Variants in MLLT3 observed in about 807,000 individuals in gnomAD.
MLLT3 encodes protein AF-9.
Under a neutral mutation model 53.2 loss-of-function variants are expected in MLLT3, and 4 were observed. The observed-to-expected ratio is 0.08, with a 90% confidence interval of 0.04 to 0.17. The LOEUF is 0.17. Ranked by LOEUF, MLLT3 falls within the 10% of genes least tolerant of loss-of-function variation. The pLI, the probability that MLLT3 is intolerant of heterozygous loss-of-function variation, is 1.00. For missense variants in MLLT3, 569 were observed against 684.0 expected (o/e 0.83, Z 1.87); for synonymous variants, 283 against 230.6 (o/e 1.23, Z -2.06).
intron 2 of MLLT3, among the ~76,000 whole-genome samples, chr9:20,534,843 G>T (rs891059406): frequency 7.9e-5 from 12 of 152,044 alleles, no homozygotes; most frequent in African/African-American, 2.9e-4. Context: ...CTGAGATGAT[G>T]CCACTGCACT....
At chr9:20,467,539 T>C (rs1368640757) in intron 2 of MLLT3, among the ~76,000 whole-genome samples, 1 of 152,104 alleles carries the variant, frequency 6.6e-6, no homozygotes, top group Admixed American at 6.6e-5. Context: ...GATCATGCCA[T>C]TGCACTCCAG....
chr9:20,522,002 TCA>T lies in MLLT3; in HGVS notation c.194-65218_194-65217del, dbSNP rs573250894. On this transcript the variant is annotated intron_variant, in intron 2 of 10. Transcript: ENST00000380338. ...GAAAATTATAATTAAGTTTTGACTGTCACAGTTTTTTTTTTTTTTAACACTCT... is the reference window on the plus strand; with the variant it reads ...GAAAATTATAATTAAGTTTTGACTGTCAGTTTTTTTTTTTTTTAACACTCT... 2.9e-4 allele frequency among the ~76,000 whole-genome samples: 35 copies of T among 120,676 alleles called. No homozygotes were observed. In the South Asian group the frequency reaches 9.0e-3, roughly 31 times the overall value. 79.2% of individuals were successfully genotyped at this position (120,676 alleles called of 152,430 possible). A position where few individuals can be genotyped will look rare whatever the true frequency, so the allele number is the denominator to read the frequency against.
intron 4 of MLLT3, among the ~76,000 whole-genome samples, chr9:20,426,187 T>G (rs1303923322): frequency 6.6e-6 from 1 of 152,152 alleles, no homozygotes; most frequent in African/African-American, 2.4e-5. Context: ...TTTAGAAGAC[T>G]GTAGTTTCAA....
At chr9:20,379,331 T>C (rs1035377709) in intron 5 of MLLT3, among the ~76,000 whole-genome samples, 6 of 152,030 alleles carry the variant, frequency 3.9e-5, no homozygotes, top group Admixed American at 2.0e-4. Context: ...CTCTAAAACA[T>C]ACATTTGGGA....
At chr9:20,461,347 C>G (rs1285329213) in intron 2 of MLLT3, among the ~76,000 whole-genome samples, 1 of 151,774 alleles carries the variant, frequency 6.6e-6, no homozygotes, top group East Asian at 1.9e-4. Context: ...AACATGTACA[C>G]AAGGAAGAAA....
chr9:20,541,246 T>A (rs969208430), intron 2 of MLLT3, among the ~76,000 whole-genome samples: 1 of 152,192 alleles, frequency 6.6e-6, no homozygotes, highest in Non-Finnish European at 1.5e-5. Context: ...CATCTTCCTG[T>A]ATTCTTCTGA....
chr9:20,621,585 A>C lies in MLLT3; in HGVS notation c.12+660T>G, dbSNP rs532229932. Among the ~76,000 whole-genome samples the C allele has an allele frequency of 4.6e-4, 70 of 151,700 alleles. No homozygotes were observed. The highest frequency in any genetic ancestry group is 1.6e-3 in the African/African-American group (67 of 41,424). The stretch of plus-strand genomic sequence containing the variant: ...CCCGCAACACACTTTCAAGAGCCCA[A>C]GTGGCTCCAAAGTATCTCCCACCTC... On this transcript the variant is annotated intron_variant, in intron 1 of 10. Coordinates refer to ENST00000380338, the MANE Select transcript of MLLT3 (RefSeq NM_004529.4). The surrounding 1 kb of genome is among the most constrained non-coding windows in gnomAD (Gnocchi z 7.0).
chr9:20,605,857 C>T (rs1820549764), intron 2 of MLLT3, among the ~76,000 whole-genome samples: 1 of 152,006 alleles, frequency 6.6e-6, no homozygotes, highest in Non-Finnish European at 1.5e-5. Context: ...AACTATTAAG[C>T]ATTTGAAGAC....
At position 20,346,198 on chromosome 9, in the gene MLLT3, A is replaced by T. The variant is rs1276101154; in HGVS notation, c.*245T>A. ...CTATCCAGGCTAACTCTTCCCGGGG[A>T]TTTCCTTGGAGAGAAGAGTGGTCCG... On this transcript the variant is annotated 3_prime_UTR_variant, in exon 11 of 11. Coordinates refer to ENST00000380338, the MANE Select transcript of MLLT3 (RefSeq NM_004529.4). 8 of 383,804 alleles carry T rather than the reference A, an allele frequency of 2.1e-5. No homozygotes were observed. The highest frequency in any genetic ancestry group is 3.7e-5 in the Non-Finnish European group (8 of 213,918). 23.8% of individuals were successfully genotyped at this position (383,804 alleles called of 1,614,324 possible). A position where few individuals can be genotyped will look rare whatever the true frequency, so the allele number is the denominator to read the frequency against.
At chr9:20,608,170 G>A (rs1587127703) in intron 2 of MLLT3, among the ~76,000 whole-genome samples, 2 of 151,872 alleles carry the variant, frequency 1.3e-5, no homozygotes, top group South Asian at 4.1e-4. Context: ...ATACAAAGAT[G>A]CACACATTGG....
At chr9:20,586,057 T>C (rs1339564196) in intron 2 of MLLT3, among the ~76,000 whole-genome samples, 1 of 152,066 alleles carries the variant, frequency 6.6e-6, no homozygotes, top group Non-Finnish European at 1.5e-5. Flanking sequence ...ATCACTCACA[T>C]CTGTAATCCT....
At chr9:20,497,687 T>C (rs910029671) in intron 2 of MLLT3, among the ~76,000 whole-genome samples, 2 of 152,190 alleles carry the variant, frequency 1.3e-5, no homozygotes, top group Non-Finnish European at 2.9e-5. Flanking sequence ...TTCCACAATT[T>C]GTTTATCCAT....
chr9:20,479,827 T>C (rs892613281), intron 2 of MLLT3, among the ~76,000 whole-genome samples: 4 of 152,172 alleles, frequency 2.6e-5, no homozygotes, highest in African/African-American at 9.7e-5. Flanking sequence ...GACCATGAAA[T>C]ATTTTGCAGG....
At chr9:20,491,921 T>C (rs1015888201) in intron 2 of MLLT3, among the ~76,000 whole-genome samples, 1 of 152,066 alleles carries the variant, frequency 6.6e-6, no homozygotes, top group African/African-American at 2.4e-5. Context: ...GAGTTTCTTC[T>C]CAAATAAACC....
chr9:20,379,987 C>G (rs1442719531), intron 5 of MLLT3, among the ~76,000 whole-genome samples: 4 of 152,026 alleles, frequency 2.6e-5, no homozygotes, highest in Admixed American at 6.6e-5. Context: ...TAAATTACAT[C>G]TCCTCGTTCA....
intron 2 of MLLT3, among the ~76,000 whole-genome samples, chr9:20,503,510 G>T (rs868852353): frequency 3.3e-5 from 5 of 152,052 alleles, no homozygotes; most frequent in African/African-American, 1.2e-4. Flanking sequence ...AATGAAATTC[G>T]ACCCTTACTT....
chr9:20,383,370 G>A (rs1203324011), intron 5 of MLLT3, among the ~76,000 whole-genome samples: 1 of 151,758 alleles, frequency 6.6e-6, no homozygotes, highest in Non-Finnish European at 1.5e-5. Context: ...TTAGTATGAG[G>A]GTGAAAAGAA....
Position 20,413,815 on chromosome 9 carries a change from G to A in MLLT3, c.1031C>T (p.Thr344Ile), listed in dbSNP as rs78515495. ...KMGKVKIESE[T>I]SEKKKSTLPP... ...TAACGTTGATTTCTTCTTCTCTGATGTCTCACTTTCAATTTTGACCTTTCC... is the reference window on the plus strand; with the variant it reads ...TAACGTTGATTTCTTCTTCTCTGATATCTCACTTTCAATTTTGACCTTTCC... The change falls in exon 5 of 11, where the codon ACA (threonine) becomes ATA (isoleucine). Residue 344 changes from threonine to isoleucine, a missense_variant. This residue lies in a region of MLLT3 where 437 missense variants were observed against 376.5 expected (regional missense o/e 1.16). Transcript: ENST00000380338. The A allele has an allele frequency of 2.1e-3, 3,449 of 1,613,932 alleles. 34 individuals are homozygous for A. The African/African-American group carries it at 0.029, about 13-fold the overall frequency.
chr9:20,426,387 T>C (rs1301750257), intron 4 of MLLT3, among the ~76,000 whole-genome samples: 1 of 152,180 alleles, frequency 6.6e-6, no homozygotes. Flanking sequence ...TAATTAGCCT[T>C]GATAAATAAT....
Sources: gnomAD v4.1 joint callset for allele counts (sites outside exome capture counted in the v4.1 genomes callset) on GRCh38, gnomAD v4.1.1 for gene constraint, gnomAD v4.1.1 regional missense constraint, Gnocchi (gnomAD v3.1) non-coding constraint, MANE v1.5 for transcripts, NCBI Gene and HGNC (gene_info 2026-07-23, HGNC 2026-07-21) for gene names.